RBM6: variants seen among roughly 807,000 people sequenced by gnomAD.
RBM6 encodes the protein RNA binding motif protein 6, also known as RNA-binding protein 6.
A neutral mutation model predicts 140.4 loss-of-function variants in RBM6; 23 were observed. The ratio of observed to expected loss-of-function variants is 0.16; its 90% confidence interval spans 0.12 to 0.23. The LOEUF (loss-of-function observed/expected upper bound fraction) is 0.23, where lower values mean the gene tolerates loss of function less well. Among genes scored for constraint, RBM6 ranks in the 10% least tolerant of loss-of-function variants. The pLI, the probability that RBM6 is intolerant of heterozygous loss-of-function variation, is 1.00. For synonymous variants in RBM6, 439 were observed against 475.6 expected, an observed-to-expected ratio of 0.92 and a Z score of 1.00; for missense variants, 1,139 against 1,386.7, an observed-to-expected ratio of 0.82 and a Z score of 2.84.
intron 3 of RBM6, 47 bp from the exon 4 acceptor site, chr3:49,972,012 G>T (rs1024978135): frequency 1.5e-6 from 2 of 1,365,804 alleles, no homozygotes; most frequent in South Asian, 1.2e-5. Context: ...TTTGTGTTTT[G>T]TGCAGTAAAG....
At chr3:49,973,645 G>C (rs2084906184) in intron 4 of RBM6, among the ~76,000 whole-genome samples, 2 of 148,982 alleles carry the variant, frequency 1.3e-5, no homozygotes, top group Non-Finnish European at 3.0e-5. Context: ...GAGTGCAGTG[G>C]CGCGATCTCG....
intron 6 of RBM6, among the ~76,000 whole-genome samples, chr3:50,012,809 C>T (rs1451716458): frequency 7.2e-6 from 1 of 138,286 alleles, no homozygotes; most frequent in African/African-American, 2.7e-5. Flanking sequence ...ATGGCGCAAT[C>T]TCGGCTCACC....
At chr3:49,954,735 G>A (rs1267596231) in intron 1 of RBM6, among the ~76,000 whole-genome samples, 1 of 151,730 alleles carries the variant, frequency 6.6e-6, no homozygotes, top group Non-Finnish European at 1.5e-5. Context: ...GTTTTGCACA[G>A]ATATCAGGTT....
In RBM6 at chr3:50,070,491, A is replaced by G. The variant is rs777111333; in HGVS notation, c.3055A>G (p.Lys1019Glu). ...FKGRGNDRRE[K>E]LQSFDSPERK... ...AGGAAGAGGAAATGATCGCAGGGAAAAGCTCCAGTCTTTTGACTCTCCAGA... is the reference window on the plus strand; with the variant it reads ...AGGAAGAGGAAATGATCGCAGGGAAGAGCTCCAGTCTTTTGACTCTCCAGA... Residue 1019 changes from lysine (K) to glutamate (E), a missense_variant, in exon 19 of 21, where the codon AAG becomes GAG. By Grantham distance (56) the Lys-to-Glu change is moderately conservative. This residue lies in a region of RBM6 where 125 missense variants were observed against 142.0 expected (regional missense o/e 0.88). Coordinates refer to ENST00000266022, the MANE Select transcript of RBM6 (RefSeq NM_005777.3). 1.9e-6 allele frequency: 3 copies of G among 1,614,100 alleles called. No homozygotes were observed. The South Asian group carries it at 3.3e-5, about 18-fold the overall frequency.
At chr3:49,986,676 T>TTAGTGTTACCTGC (rs1160059322) in intron 5 of RBM6, among the ~76,000 whole-genome samples, 3 of 152,146 alleles carry the variant, frequency 2.0e-5, no homozygotes, top group Admixed American at 6.5e-5. Flanking sequence ...GATTTATTCT[T>TTAGTGTTACCTGC]TAGTGTTACC....
intron 6 of RBM6, chr3:50,047,393 C>T: frequency 4.7e-6 from 4 of 845,946 alleles, no homozygotes; most frequent in Non-Finnish European, 5.7e-6. Flanking sequence ...TTCCCCTGCA[C>T]CAACACATAC....
chr3:49,971,547 T>G (rs1445014364), intron 3 of RBM6, among the ~76,000 whole-genome samples: 1 of 145,590 alleles, frequency 6.9e-6, no homozygotes, highest in Non-Finnish European at 1.5e-5. Context: ...AAATTTTTCT[T>G]TTTTTTTGAG....
intron 6 of RBM6, among the ~76,000 whole-genome samples, chr3:50,024,169 TTGA>T (rs1559599415): frequency 6.6e-6 from 1 of 152,226 alleles, no homozygotes; most frequent in Non-Finnish European, 1.5e-5. Context: ...AATGGCTCTA[TTGA>T]TGATGTAAAT....
intron 1 of RBM6, among the ~76,000 whole-genome samples, chr3:49,962,325 GC>G (rs35217657): frequency 0.078 from 11,713 of 150,416 alleles, 459 homozygotes; most frequent in African/African-American, 0.1. Context: ...TGTAGTCCTA[GC>G]TACTCGGGAG....
At chr3:49,975,439 G>T (rs1347418692) in intron 5 of RBM6, 47 bp downstream of exon 5, 1 of 1,453,178 alleles carries the variant, frequency 6.9e-7, no homozygotes, top group Non-Finnish European at 9.6e-7. Flanking sequence ...AAGGGTCTTT[G>T]TCAGATCTCT....
At chr3:50,008,945 G>A (rs1315563241) in intron 6 of RBM6, among the ~76,000 whole-genome samples, 1 of 152,218 alleles carries the variant, frequency 6.6e-6, no homozygotes, top group Non-Finnish European at 1.5e-5. Context: ...GTTAGAGTAT[G>A]TAGTATATGT....
At chr3:49,951,283 G>A (rs2083716993) in intron 1 of RBM6, among the ~76,000 whole-genome samples, 1 of 152,038 alleles carries the variant, frequency 6.6e-6, no homozygotes, top group South Asian at 2.1e-4. Context: ...TGTGATCTTG[G>A]CTCACTGCAA....
At chr3:49,973,109 G>T in intron 4 of RBM6, among the ~76,000 whole-genome samples, 1 of 151,964 alleles carries the variant, frequency 6.6e-6, no homozygotes, top group East Asian at 1.9e-4. Flanking sequence ...GCCATTACAG[G>T]CATGAGCCAC....
At position 49,950,226 on chromosome 3, in the gene RBM6, C is replaced by T. The variant is rs550443560; in HGVS notation, c.-67+10001C>T. ...GCTGAATGTCCTGTGTAGCCCACAA[C>T]ATTTACTTTGGGAAAAAATTAAGAG... On this transcript the variant is annotated intron_variant, in intron 1 of 20. Transcript: ENST00000266022. 3.9e-5 allele frequency among the ~76,000 whole-genome samples: 6 copies of T among 152,226 alleles called. No homozygotes were observed. In the South Asian group the frequency reaches 1.0e-3, roughly 26 times the overall value.
At chr3:50,009,951 C>A (rs1292743396) in intron 6 of RBM6, among the ~76,000 whole-genome samples, 1 of 151,952 alleles carries the variant, frequency 6.6e-6, no homozygotes, top group East Asian at 1.9e-4. Flanking sequence ...TGCGATGGCA[C>A]AGTCTTGGCT....
At chr3:50,006,308 G>A (rs1449407209) in intron 6 of RBM6, among the ~76,000 whole-genome samples, 1 of 151,762 alleles carries the variant, frequency 6.6e-6, no homozygotes, top group Admixed American at 6.6e-5. Flanking sequence ...GCTAATTTTT[G>A]TATTTTCAGT....
intron 3 of RBM6, among the ~76,000 whole-genome samples, chr3:49,969,717 C>T (rs1481426418): frequency 6.6e-6 from 1 of 151,280 alleles, no homozygotes; most frequent in East Asian, 1.9e-4. Flanking sequence ...CCCACCTCAG[C>T]CTTCTGAGTA....
Position 49,967,234 on chromosome 3 carries a change from A to C in RBM6, c.45-236A>C. The C allele has an allele frequency of 7.8e-7, 1 of 1,287,264 alleles. No individual in the cohort carries two copies. The highest frequency in any genetic ancestry group is 9.8e-7 in the Non-Finnish European group (1 of 1,017,550). 79.7% of individuals were successfully genotyped at this position (1,287,264 alleles called of 1,614,324 possible). On this transcript the variant is annotated intron_variant, in intron 2 of 20. Transcript: ENST00000266022. This position sits in a 1 kb window ranked among gnomAD's most constrained non-coding sequence, Gnocchi z 4.0. ...AGCTTTTTCTGCAGCAGTCATGTTGAAAACCTTGTGTTGACTTTCCTCGTG... is the reference window on the plus strand; with the variant it reads ...AGCTTTTTCTGCAGCAGTCATGTTGCAAACCTTGTGTTGACTTTCCTCGTG...
intron 6 of RBM6, among the ~76,000 whole-genome samples, chr3:50,035,146 C>G (rs1474930705): frequency 6.6e-6 from 1 of 151,730 alleles, no homozygotes; most frequent in Non-Finnish European, 1.5e-5. Flanking sequence ...CAATTCTTGC[C>G]TCCTCAGAAG....
Sources: allele counts gnomAD v4.1 joint callset (sites outside exome capture counted in the v4.1 genomes callset), GRCh38; gene constraint gnomAD v4.1.1; regional missense constraint gnomAD v4.1.1; non-coding constraint Gnocchi (gnomAD v3.1); transcripts MANE v1.5; gene names NCBI Gene and HGNC (gene_info 2026-07-23, HGNC 2026-07-21).